Variants in PCDHA8 observed in about 807,000 individuals in gnomAD.
PCDHA8 encodes the protein protocadherin alpha-8.
PCDHA8 carries 53 observed loss-of-function variants against 61.8 expected under a neutral mutation model. The ratio of observed to expected loss-of-function variants is 0.86; its 90% CI spans 0.69 to 1.08. PCDHA8 has a LOEUF of 1.08. PCDHA8 is among the 50% of genes least tolerant of loss of function. The pLI is 0.00. For missense variants in PCDHA8, 1,293 were observed against 1,245.0 expected, an observed-to-expected ratio of 1.04 and a Z score of -0.58; for synonymous variants, 618 against 556.6, an observed-to-expected ratio of 1.11 and a Z score of -1.55.
At chr5:140,990,395 G>A (rs916362624) in intron 3 of PCDHA8, among the ~76,000 whole-genome samples, 1 of 152,116 alleles carries the variant, frequency 6.6e-6, no homozygotes, top group Non-Finnish European at 1.5e-5. Flanking sequence ...GTTCCAAGAA[G>A]GTTCACCAGC....
chr5:140,878,662 C>T (rs1479409326), intron 1 of PCDHA8, among the ~76,000 whole-genome samples: 1 of 152,194 alleles, frequency 6.6e-6, no homozygotes, highest in African/African-American at 2.4e-5. Flanking sequence ...CCAGAGGCTT[C>T]TCTTTAACCA....
intron 1 of PCDHA8, among the ~76,000 whole-genome samples, chr5:140,922,582 G>A (rs548638056): frequency 2.6e-5 from 4 of 152,276 alleles, no homozygotes; most frequent in Non-Finnish European, 4.4e-5. Context: ...CCCTGTAGCC[G>A]CCAGTTCTCA....
At chr5:140,970,156 T>C (rs933887683) in intron 1 of PCDHA8, among the ~76,000 whole-genome samples, 6 of 152,188 alleles carry the variant, frequency 3.9e-5, no homozygotes, top group African/African-American at 1.4e-4. Context: ...CTCCCAATAG[T>C]CACCTTTCTT....
At chr5:140,883,662 A>G (rs371713279) in intron 1 of PCDHA8, 3 of 1,613,586 alleles carry the variant, frequency 1.9e-6, no homozygotes, top group Non-Finnish European at 2.5e-6. Context: ...GTGTTCGTGA[A>G]GGAAAACAAT....
intron 1 of PCDHA8, among the ~76,000 whole-genome samples, chr5:140,971,604 A>G (rs2096487974): frequency 6.6e-6 from 1 of 152,160 alleles, no homozygotes; most frequent in Admixed American, 6.5e-5. Flanking sequence ...TACAGATGGC[A>G]GGAGAGTCCT....
chr5:140,941,256 T>TTTC (rs2092982969), intron 1 of PCDHA8, among the ~76,000 whole-genome samples: 1 of 45,974 alleles, frequency 2.2e-5, no homozygotes, highest in African/African-American at 7.5e-5. Flanking sequence ...TCTTTCTTTC[T>TTTC]CTTTCTTTCT....
intron 1 of PCDHA8, among the ~76,000 whole-genome samples, chr5:140,885,515 A>G (rs537252415): frequency 6.6e-6 from 1 of 152,294 alleles, no homozygotes; most frequent in South Asian, 2.1e-4. Context: ...ATGCTGTGCT[A>G]TCATTTCATA....
intron 1 of PCDHA8, among the ~76,000 whole-genome samples, chr5:140,922,269 T>C (rs782114145): frequency 1.3e-5 from 2 of 152,214 alleles, no homozygotes; most frequent in Non-Finnish European, 2.9e-5. Context: ...GCCATGAAGA[T>C]TGGACCAAGA....
chr5:141,007,478 G>A (rs1041976706), intron 3 of PCDHA8, among the ~76,000 whole-genome samples: 5 of 151,620 alleles, frequency 3.3e-5, no homozygotes, highest in Admixed American at 6.6e-5. Context: ...TGAGGCACGA[G>A]AATTACTTGG....
At chr5:140,990,893 T>C (rs1554251806) in intron 3 of PCDHA8, among the ~76,000 whole-genome samples, 1 of 152,178 alleles carries the variant, frequency 6.6e-6, no homozygotes, top group East Asian at 1.9e-4. Context: ...GAGTGGGTCG[T>C]TGCTGGGTCA....
At chr5:140,927,090 C>T (rs368092094) in intron 1 of PCDHA8, 34 of 1,612,532 alleles carry the variant, frequency 2.1e-5, no homozygotes, top group Non-Finnish European at 1.4e-5. Flanking sequence ...AGCTCTACTT[C>T]GGGGTGGATC....
rs2096830713 is a variant in PCDHA8 at position 140,978,969 on chromosome 5, C to G, written c.2415C>G (p.Asp805Glu). 4 of 1,614,092 alleles carry G rather than the reference C, an allele frequency of 2.5e-6. No homozygotes were observed. The highest frequency in any genetic ancestry group is 1.6e-4 in the Middle Eastern group (1 of 6,084). ...TGCAGCCACGACAGCCCAACCCTGACTGGCGTTACTCTGCCTCCCTGAGAG... is the reference window on the plus strand; with the variant it reads ...TGCAGCCACGACAGCCCAACCCTGAGTGGCGTTACTCTGCCTCCCTGAGAG... ...HGLKPRQPNP[D>E]WRYSASLRAG... The change falls in exon 2 of 4, where the codon GAC becomes GAG. Residue 805 changes from aspartate (D) to glutamate (E), a missense_variant. Coordinates refer to ENST00000531613, the MANE Select transcript of PCDHA8 (RefSeq NM_018911.3).
intron 1 of PCDHA8, chr5:140,851,028 C>G: frequency 7.1e-7 from 1 of 1,410,134 alleles, no homozygotes. Flanking sequence ...AAAGTAAACC[C>G]CTTAACATTG....
intron 1 of PCDHA8, chr5:140,870,319 T>G (rs782623881): frequency 3.7e-6 from 6 of 1,614,162 alleles, no homozygotes; most frequent in Non-Finnish European, 5.1e-6. Flanking sequence ...TTACTACTCG[T>G]TGGTGCTGGA....
At chr5:140,985,096 C>G (rs1486346952) in intron 3 of PCDHA8, among the ~76,000 whole-genome samples, 1 of 152,096 alleles carries the variant, frequency 6.6e-6, no homozygotes, top group Non-Finnish European at 1.5e-5. Context: ...TGCCACCAAG[C>G]CTGGCTAATT....
At chr5:140,871,415 T>C in intron 1 of PCDHA8, 1 of 1,613,926 alleles carries the variant, frequency 6.2e-7, no homozygotes, top group Non-Finnish European at 8.5e-7. Context: ...CTCATGGCCT[T>C]CAGCCCCAGT....
At chr5:140,927,400 C>A in intron 1 of PCDHA8, 1 of 1,614,126 alleles carries the variant, frequency 6.2e-7, no homozygotes, top group Non-Finnish European at 8.5e-7. Context: ...TCAGCACTTT[C>A]GCCTGGACAT....
chr5:141,010,225 C>T lies in PCDHA8; in HGVS notation c.*288C>T. The T allele has an allele frequency of 6.4e-7, 1 of 1,551,848 alleles. No homozygotes were observed. The highest frequency in any genetic ancestry group is 8.7e-7 in the Non-Finnish European group (1 of 1,147,026). The stretch of plus-strand genomic sequence containing the variant: ...CCGCCGCAAAGGAGAGGCTTCCCAG[C>T]CCCGCCAGTGAGAGGTTGGACTCTC... On this transcript the variant is annotated 3_prime_UTR_variant, in exon 4 of 4. Coordinates refer to ENST00000531613, the MANE Select transcript of PCDHA8 (RefSeq NM_018911.3).
At chr5:140,923,659 G>A in intron 1 of PCDHA8, among the ~76,000 whole-genome samples, 1 of 152,224 alleles carries the variant, frequency 6.6e-6, no homozygotes, top group East Asian at 1.9e-4. Context: ...CTTATCTTTG[G>A]GATATCGTTC....
Sources: gnomAD v4.1 joint callset for allele counts (sites outside exome capture counted in the v4.1 genomes callset) on GRCh38, gnomAD v4.1.1 for gene constraint, MANE v1.5 for transcripts, NCBI Gene and HGNC (gene_info 2026-07-23, HGNC 2026-07-21) for gene names.